Variants in FHIT observed in about 807,000 individuals in gnomAD.
The protein encoded by FHIT is bis(5'-adenosyl)-triphosphatase.
Under a neutral mutation model 17.9 loss-of-function variants are expected in FHIT, and 19 were observed. The ratio of observed to expected loss-of-function variants is 1.06; its 90% CI spans 0.74 to 1.56. The LOEUF (loss-of-function observed/expected upper bound fraction) is 1.56, where lower values mean the gene tolerates loss of function less well. FHIT is among the 40% of genes most tolerant of loss of function. FHIT has a pLI of 0.00. For missense variants in FHIT, 248 were observed against 189.2 expected (o/e 1.31, Z -1.82); for synonymous variants, 81 against 69.7 (o/e 1.16, Z -0.81).
chr3:59,984,509 T>C (rs1251255339), intron 7 of FHIT, among the ~76,000 whole-genome samples: 3 of 152,020 alleles, frequency 2.0e-5, no homozygotes, highest in African/African-American at 4.8e-5. Context: ...CTAAACATTG[T>C]TCCTAAAGTC....
At chr3:60,031,081 G>C (rs1260023856) in intron 5 of FHIT, among the ~76,000 whole-genome samples, 2 of 152,214 alleles carry the variant, frequency 1.3e-5, no homozygotes, top group Non-Finnish European at 2.9e-5. Flanking sequence ...CTTTGCAGCA[G>C]CATGTGTGAA....
chr3:59,895,314 C>T (rs182497060), intron 8 of FHIT, among the ~76,000 whole-genome samples: 5 of 152,302 alleles, frequency 3.3e-5, no homozygotes, highest in Admixed American at 2.6e-4. Context: ...ATCTTCAGTG[C>T]CTAGCACAGT....
chr3:61,223,291 T>C (rs954752463), intron 1 of FHIT, among the ~76,000 whole-genome samples: 1 of 152,174 alleles, frequency 6.6e-6, no homozygotes, highest in African/African-American at 2.4e-5. Flanking sequence ...TCTTGGCATG[T>C]GTTTTCAAGG....
intron 7 of FHIT, among the ~76,000 whole-genome samples, chr3:59,928,340 G>C (rs1380682910): frequency 6.6e-6 from 1 of 152,196 alleles, no homozygotes; most frequent in African/African-American, 2.4e-5. Flanking sequence ...AGGTATCATA[G>C]ATTTTCCAGG....
chr3:60,473,446 T>C (rs2033187837), intron 5 of FHIT, among the ~76,000 whole-genome samples: 1 of 152,010 alleles, frequency 6.6e-6, no homozygotes. Context: ...TGAGAGACAT[T>C]ATCAAGAGAG....
At chr3:60,157,057 T>C (rs556498372) in intron 5 of FHIT, among the ~76,000 whole-genome samples, 1 of 152,268 alleles carries the variant, frequency 6.6e-6, no homozygotes, top group South Asian at 2.1e-4. Flanking sequence ...TTTTGATTAA[T>C]AAATCAATAC....
intron 7 of FHIT, among the ~76,000 whole-genome samples, chr3:59,996,892 C>G (rs1478429995): frequency 1.3e-5 from 2 of 152,114 alleles, no homozygotes; most frequent in Non-Finnish European, 2.9e-5. Context: ...ATCAGATTCA[C>G]TGCTCTTCAA....
At chr3:59,766,019 A>C (rs1215251684) in intron 8 of FHIT, among the ~76,000 whole-genome samples, 1 of 152,198 alleles carries the variant, frequency 6.6e-6, no homozygotes, top group Non-Finnish European at 1.5e-5. Context: ...GATGCCTAAA[A>C]CTATATGAAA....
chr3:60,581,230 C>A (rs1190921946), intron 4 of FHIT, among the ~76,000 whole-genome samples: 1 of 152,122 alleles, frequency 6.6e-6, no homozygotes, highest in African/African-American at 2.4e-5. Context: ...TCCTCCCCCA[C>A]AAAAGGTAGT....
At chr3:59,923,179 C>T (rs141760472) in intron 7 of FHIT, among the ~76,000 whole-genome samples, 2,646 of 125,752 alleles carry the variant, frequency 0.021, 27 homozygotes, top group Middle Eastern at 0.041. Flanking sequence ...GAGCTGAGAT[C>T]GCGCCACTGC....
intron 5 of FHIT, among the ~76,000 whole-genome samples, chr3:60,212,074 C>T (rs775288795): frequency 6.6e-5 from 10 of 152,192 alleles, no homozygotes; most frequent in Non-Finnish European, 1.0e-4. Flanking sequence ...CAGCATCGGA[C>T]CTCACATTCT....
chr3:60,307,953 C>A (rs1214827222), intron 5 of FHIT, among the ~76,000 whole-genome samples: 2 of 152,148 alleles, frequency 1.3e-5, no homozygotes, highest in African/African-American at 2.4e-5. Flanking sequence ...GATCACTATG[C>A]AGTGAGCACT....
chr3:60,432,356 G>T (rs191519961), intron 5 of FHIT, among the ~76,000 whole-genome samples: 4 of 152,018 alleles, frequency 2.6e-5, no homozygotes, highest in Non-Finnish European at 5.9e-5. Context: ...TCCAATAAAT[G>T]AGTGTTGGAC....
At chr3:59,817,045 A>G (rs1315597838) in intron 8 of FHIT, among the ~76,000 whole-genome samples, 1 of 152,170 alleles carries the variant, frequency 6.6e-6, no homozygotes, top group Non-Finnish European at 1.5e-5. Flanking sequence ...AAGCAGATGG[A>G]GCTAACTCCA....
At chr3:60,825,172 A>C (rs1477869777) in intron 3 of FHIT, among the ~76,000 whole-genome samples, 1 of 152,224 alleles carries the variant, frequency 6.6e-6, no homozygotes, top group Admixed American at 6.5e-5. Flanking sequence ...GACAGTACAC[A>C]TATGCCACGG....
intron 5 of FHIT, among the ~76,000 whole-genome samples, chr3:60,181,131 T>C (rs554633513): frequency 1.4e-5 from 2 of 146,914 alleles, no homozygotes; most frequent in South Asian, 4.3e-4. Flanking sequence ...TTACACAGAT[T>C]ACAAATTTTT....
intron 4 of FHIT, among the ~76,000 whole-genome samples, chr3:60,787,390 T>C (rs1700620107): frequency 2.6e-5 from 4 of 152,220 alleles, no homozygotes; most frequent in Admixed American, 2.6e-4. Flanking sequence ...CATCCTGGGC[T>C]GGATACTCTG....
At chr3:60,711,477 G>A (rs532066127) in intron 4 of FHIT, among the ~76,000 whole-genome samples, 9 of 152,254 alleles carry the variant, frequency 5.9e-5, no homozygotes, top group East Asian at 1.9e-4. Flanking sequence ...CAACCACTCC[G>A]AGCTACAGGA....
chr3:60,687,777 T>C (rs1553698772), intron 4 of FHIT, among the ~76,000 whole-genome samples: 4 of 152,148 alleles, frequency 2.6e-5, no homozygotes. Context: ...ACAATTCTAC[T>C]TCCATCAATT....
Sources: allele counts gnomAD v4.1 joint callset (sites outside exome capture counted in the v4.1 genomes callset), GRCh38; gene constraint gnomAD v4.1.1; transcripts MANE v1.5; gene names NCBI Gene and HGNC (gene_info 2026-07-23, HGNC 2026-07-21).